PKD1L1: variants seen among roughly 807,000 people sequenced by gnomAD.
PKD1L1 encodes the protein polycystin-1-like protein 1.
PKD1L1 carries 236 observed loss-of-function variants against 323.4 expected under a neutral mutation model. The observed-to-expected ratio is 0.73, with a 90% CI of 0.66 to 0.81. The LOEUF is 0.81. Ranked by LOEUF, PKD1L1 falls within the 40% of genes least tolerant of loss-of-function variation. PKD1L1 has a pLI of 0.00. For missense variants in PKD1L1, 3,320 were observed against 3,508.0 expected, an observed-to-expected ratio of 0.95 and a Z score of 1.35; for synonymous variants, 1,344 against 1,335.0, an observed-to-expected ratio of 1.01 and a Z score of -0.15.
intron 23 of PKD1L1, 107 bp downstream of exon 23, chr7:47,875,990 A>G: frequency 8.0e-7 from 1 of 1,253,818 alleles, no homozygotes; most frequent in Non-Finnish European, 1.1e-6. Flanking sequence ...TAAACTGATC[A>G]AGGTGATTTT....
In PKD1L1 at chr7:47,846,936, C is replaced by T. The variant is rs1412685868; in HGVS notation, c.5096G>A (p.Trp1699Ter). The T allele has an allele frequency of 3.1e-6, 5 of 1,613,786 alleles. No homozygotes were observed. Among genetic ancestry groups the T allele is most frequent in the Non-Finnish European group, 3.4e-6 (4 of 1,179,876 alleles). Residue 1699 changes from tryptophan to a stop codon, truncating the protein, a stop_gained, in exon 32 of 57, where the codon TGG (tryptophan) becomes TAG (stop). Coordinates refer to ENST00000289672, the MANE Select transcript of PKD1L1 (RefSeq NM_138295.5). LOFTEE classifies it high-confidence loss of function. ...IRCLFWDKRE[W>*]KSERFSPQPG... Reference sequence around the variant, plus strand: ...TTGTGGAGAGAAACGTTCAGATTTCCACTCTCTCTTGTCCCAAAACAGGCA... The same window carrying T: ...TTGTGGAGAGAAACGTTCAGATTTCTACTCTCTCTTGTCCCAAAACAGGCA...
In PKD1L1 at chr7:47,860,826, A is replaced by G. The variant is rs530030649; in HGVS notation, c.4150-1941T>C. On this transcript the variant is annotated intron_variant, in intron 26 of 56. Transcript: ENST00000289672. ...AGAGATGCACAAGAGGGACAATGGCAGGAATGATTTGATCTCTACCAGATT... is the reference window on the plus strand; with the variant it reads ...AGAGATGCACAAGAGGGACAATGGCGGGAATGATTTGATCTCTACCAGATT... Among the ~76,000 whole-genome samples the G allele has an allele frequency of 1.3e-4, 20 of 152,230 alleles. No homozygotes were observed. The East Asian group carries it at 1.4e-3, about 10-fold the overall frequency.
At chr7:47,945,455 C>G (rs940915645) in intron 1 of PKD1L1, among the ~76,000 whole-genome samples, 4 of 152,120 alleles carry the variant, frequency 2.6e-5, no homozygotes, top group Admixed American at 6.5e-5. Context: ...AGGTGAAAAG[C>G]TGTTATTTTG....
the PKD1L1 span, among the ~76,000 whole-genome samples, chr7:47,957,860 A>ATATATAT: frequency 9.6e-3 from 1,187 of 124,158 alleles, 42 homozygotes; most frequent in Middle Eastern, 0.016. Flanking sequence ...CAATTAAAAA[A>ATATATAT]AAATATATAT....
chr7:47,934,333 T>C (rs1406245197), intron 4 of PKD1L1, among the ~76,000 whole-genome samples: 1 of 152,144 alleles, frequency 6.6e-6, no homozygotes, highest in Non-Finnish European at 1.5e-5. Context: ...CTTGCACTAC[T>C]CATGACACTT....
At chr7:47,794,672 T>C (rs1380109510) in intron 55 of PKD1L1, among the ~76,000 whole-genome samples, 1 of 152,096 alleles carries the variant, frequency 6.6e-6, no homozygotes, top group Non-Finnish European at 1.5e-5. Context: ...CTCTGACAAC[T>C]TGCACTGTGC....
Position 47,936,800 on chromosome 7 carries a change from T to C in PKD1L1, c.398+46A>G, listed in dbSNP as rs1275727518. ...CAATTCTTTGTAAGTTCCATGTCAT[T>C]TGCATGTTCAGAAAAGCAATATTTC... On this transcript the variant is annotated intron_variant, in intron 4 of 56. Coordinates refer to ENST00000289672, the MANE Select transcript of PKD1L1 (RefSeq NM_138295.5). The C allele has an allele frequency of 2.2e-6, 3 of 1,389,418 alleles. No homozygotes were observed. The African/African-American group carries it at 4.3e-5, about 20-fold the overall frequency. The allele number at this position is 1,389,418 out of a possible 1,614,324, so 86.1% of individuals were successfully genotyped here.
chr7:47,940,311 T>G lies in PKD1L1; in HGVS notation c.167A>C (p.Tyr56Ser). 1 of 1,612,644 alleles carries G rather than the reference T, an allele frequency of 6.2e-7. No homozygotes were observed. The highest frequency in any genetic ancestry group is 8.5e-7 in the Non-Finnish European group (1 of 1,179,522). Reference protein sequence around the residue: ...PPGGGLWVEVYANHVLLMSDG... With the variant: ...PPGGGLWVEVSANHVLLMSDG... ...ACTCATAAGAAGCACATGATTAGCA[T>G]AGACCTCTAGAGAAAAAAAAAAAAG... The change falls in exon 3 of 57, where the codon TAT becomes TCT. Residue 56 changes from tyrosine (Y) to serine (S), a missense_variant. Coordinates refer to ENST00000289672, the MANE Select transcript of PKD1L1 (RefSeq NM_138295.5).
intron 45 of PKD1L1, among the ~76,000 whole-genome samples, chr7:47,826,330 C>T (rs1785240083): frequency 6.6e-6 from 1 of 152,034 alleles, no homozygotes; most frequent in Non-Finnish European, 1.5e-5. Flanking sequence ...TTTTTGCTAT[C>T]TTAATTACTC....
chr7:47,835,704 A>G (rs547404289), intron 37 of PKD1L1, among the ~76,000 whole-genome samples: 8 of 152,222 alleles, frequency 5.3e-5, no homozygotes, highest in African/African-American at 1.4e-4. Context: ...CCTGGCCACA[A>G]TTCAATTTAA....
chr7:47,827,297 C>A, intron 45 of PKD1L1, 53 bp downstream of exon 45: 1 of 1,440,888 alleles, frequency 6.9e-7, no homozygotes, highest in South Asian at 1.3e-5. Flanking sequence ...GGTACTCCCT[C>A]CGAGAAGGGA....
chr7:47,915,213 A>G (rs1395352130), intron 8 of PKD1L1, among the ~76,000 whole-genome samples: 1 of 152,226 alleles, frequency 6.6e-6, no homozygotes, highest in Admixed American at 6.5e-5. Context: ...GTCACAGACC[A>G]CTTCCCTCCT....
intron 46 of PKD1L1, chr7:47,819,634 T>G: frequency 1.6e-6 from 2 of 1,217,268 alleles, no homozygotes; most frequent in Non-Finnish European, 2.2e-6. Context: ...ACTATTACAA[T>G]GCTCAGCAGA....
chr7:47,861,029 C>T (rs556683435), intron 26 of PKD1L1, among the ~76,000 whole-genome samples: 1 of 152,282 alleles, frequency 6.6e-6, no homozygotes, highest in East Asian at 1.9e-4. Flanking sequence ...ATTCCCCTGA[C>T]TTAGGAAGCC....
intron 55 of PKD1L1, chr7:47,795,426 C>G (rs1198989240): frequency 2.2e-6 from 1 of 450,638 alleles, no homozygotes; most frequent in South Asian, 1.6e-5. Context: ...CCTGAGGCCT[C>G]CCAAGTCATG....
intron 1 of PKD1L1, 62 bp from the exon 2 acceptor site, chr7:47,943,573 T>TG: frequency 2.4e-6 from 3 of 1,273,484 alleles, no homozygotes; most frequent in Non-Finnish European, 3.4e-6. Context: ...ATCACAGACA[T>TG]CCTGTGACCA....
chr7:47,813,375 C>T (rs1283167779), intron 48 of PKD1L1, 82 bp from the exon 49 acceptor site: 11 of 1,426,142 alleles, frequency 7.7e-6, no homozygotes, highest in Middle Eastern at 1.8e-4. Context: ...GGCCTGGCCA[C>T]ATGTGAACAC....
At chr7:47,864,618 T>TTCTTTC (rs1786114777) in intron 26 of PKD1L1, among the ~76,000 whole-genome samples, 1 of 144,878 alleles carries the variant, frequency 6.9e-6, no homozygotes, top group Admixed American at 7.0e-5. Flanking sequence ...CTTTCTTTCT[T>TTCTTTC]TCTTTCTTTC....
intron 14 of PKD1L1, among the ~76,000 whole-genome samples, chr7:47,896,844 TC>T (rs1194475749): frequency 2.0e-5 from 3 of 152,098 alleles, no homozygotes; most frequent in East Asian, 3.9e-4. Flanking sequence ...TGCTCTCTAT[TC>T]CCCAGCTGCC....
Sources: gnomAD v4.1 joint callset for allele counts (sites outside exome capture counted in the v4.1 genomes callset) on GRCh38, gnomAD v4.1.1 for gene constraint, MANE v1.5 for transcripts, NCBI Gene and HGNC (gene_info 2026-07-23, HGNC 2026-07-21) for gene names.